Variants in ACTR2 observed in about 807,000 individuals in gnomAD.
The protein encoded by ACTR2 is actin related protein 2, also known as actin-related protein 2.
A neutral mutation model predicts 50.2 loss-of-function variants in ACTR2; 5 were observed. The ratio of observed to expected loss-of-function variants is 0.10; its 90% confidence interval spans 0.05 to 0.21. The LOEUF (loss-of-function observed/expected upper bound fraction) is 0.21. Among genes scored for constraint, ACTR2 ranks in the 10% least tolerant of loss-of-function variants. The pLI, the probability that ACTR2 is intolerant of heterozygous loss-of-function variation, is 1.00. For missense variants in ACTR2, 180 were observed against 480.6 expected (o/e 0.37, Z 5.85); for synonymous variants, 140 against 162.9 (o/e 0.86, Z 1.07).
Position 65,262,394 on chromosome 2 carries a change from AT to A in ACTR2, c.881+1019del, listed in dbSNP as rs959959939. Among the ~76,000 whole-genome samples, 762 of 137,434 alleles carry A rather than the reference AT, an allele frequency of 5.5e-3. 3 individuals are homozygous for A. Among genetic ancestry groups the A allele is most frequent in the African/African-American group, 0.011 (426 of 37,166 alleles). 90.2% of individuals were successfully genotyped at this position (137,434 alleles called of 152,430 possible). On this transcript the variant is annotated intron_variant, in intron 7 of 8. Transcript: ENST00000260641. Reference sequence around the variant, plus strand: ...ACAGGCATGTACCACCATGCCCAGAATTTTTTTTTTTTTTTTTGTATTTTTT... The same window carrying A: ...ACAGGCATGTACCACCATGCCCAGAATTTTTTTTTTTTTTTTGTATTTTTT...
intron 1 of ACTR2, among the ~76,000 whole-genome samples, chr2:65,234,425 CTTTT>C (rs903651119): frequency 6.6e-6 from 1 of 151,070 alleles, no homozygotes; most frequent in Admixed American, 6.6e-5. Flanking sequence ...AATGAAAAGT[CTTTT>C]TTTTTGTTAG....
chr2:65,228,020 A>G lies in ACTR2; in HGVS notation c.48+63A>G, dbSNP rs115799470. On this transcript the variant is annotated intron_variant, in intron 1 of 8. Transcript: ENST00000260641. ...GCCGGCGGGGACGAGCAGCTGGCGC[A>G]CGGGCCCTCGGCCCCCAGGGCTGCA... 1.9e-3 allele frequency: 2,724 copies of G among 1,443,294 alleles called. 59 individuals carry two copies. The African/African-American group carries it at 0.038, about 20-fold the overall frequency. 89.4% of individuals were successfully genotyped at this position (1,443,294 alleles called of 1,614,324 possible). A position where few individuals can be genotyped will look rare whatever the true frequency, so the allele number is the denominator to read the frequency against.
intron 4 of ACTR2, among the ~76,000 whole-genome samples, chr2:65,252,241 T>G (rs1672065844): frequency 6.6e-6 from 1 of 152,152 alleles, no homozygotes; most frequent in African/African-American, 2.4e-5. Flanking sequence ...TTTTTTTTCT[T>G]TTTTGCAATG....
intron 3 of ACTR2, among the ~76,000 whole-genome samples, chr2:65,250,384 T>G (rs986305221): frequency 3.6e-4 from 50 of 138,280 alleles, no homozygotes; most frequent in African/African-American, 1.3e-3. Flanking sequence ...AAAAAAAAGA[T>G]ATTTCCCTGG....
chr2:65,269,436 T>C lies in ACTR2; in HGVS notation c.*702T>C, dbSNP rs533148722. 131 of 152,320 alleles carry C rather than the reference T, an allele frequency of 8.6e-4. No individual in the cohort carries two copies. Among genetic ancestry groups the C allele is most frequent in the African/African-American group, 3.0e-3 (125 of 41,566 alleles). The allele number at this position is 152,320 out of a possible 1,614,324, so 9.4% of individuals were successfully genotyped here. A position where few individuals can be genotyped will look rare whatever the true frequency, so the allele number is the denominator to read the frequency against. On this transcript the variant is annotated 3_prime_UTR_variant, in exon 9 of 9. Transcript: ENST00000260641. ...GGTTTTCTTCTACTTGTGCTCTGCC[T>C]GGAGCTGTTTCCATATGATATAAAA... is the stretch of plus-strand genomic sequence containing the variant.
chr2:65,237,713 C>T (rs188050365), intron 1 of ACTR2, among the ~76,000 whole-genome samples: 4 of 152,004 alleles, frequency 2.6e-5, no homozygotes, highest in East Asian at 1.9e-4. Flanking sequence ...TTACGCTAGG[C>T]GTGGTGGCTC....
chr2:65,254,606 G>T (rs1672113794), intron 5 of ACTR2, among the ~76,000 whole-genome samples: 1 of 152,102 alleles, frequency 6.6e-6, no homozygotes. Flanking sequence ...CTGTCCTCTG[G>T]GGGATATTAG....
At position 65,261,329 on chromosome 2, in the gene ACTR2, T is replaced by G; in HGVS notation, c.818T>G (p.Val273Gly). The G allele has an allele frequency of 1.2e-6, 2 of 1,614,070 alleles. No homozygotes were observed. The highest frequency in any genetic ancestry group is 1.7e-6 in the Non-Finnish European group (2 of 1,179,998). The change falls in exon 7 of 9, where the codon GTT becomes GGT. Residue 273 changes from valine (V) to glycine (G), a missense_variant. Transcript: ENST00000260641. Reference protein sequence around the residue: ...EALFQPHLINVEGVGVAELLF... With the variant: ...EALFQPHLINGEGVGVAELLF... ...TTATTTCAGCCTCACTTGATCAATG[T>G]TGAAGGAGTTGGTGTTGCTGAATTG...
chr2:65,253,177 C>T (rs58293037), intron 4 of ACTR2, among the ~76,000 whole-genome samples: 1,671 of 152,194 alleles, frequency 0.011, 38 homozygotes, highest in African/African-American at 0.038. Context: ...TGGTGGCTCA[C>T]GCCTGTAACC....
chr2:65,233,996 A>C lies in ACTR2; in HGVS notation c.49-5856A>C, dbSNP rs187538867. The stretch of plus-strand genomic sequence containing the variant: ...TGGCTCAAGGCTCAACGTAGCCTCA[A>C]CCTCCCTGGGCTCAGGTGATCCTCC... On this transcript the variant is annotated intron_variant, in intron 1 of 8. Coordinates refer to ENST00000260641, the MANE Select transcript of ACTR2 (RefSeq NM_005722.4). 4.0e-5 allele frequency among the ~76,000 whole-genome samples: 6 copies of C among 151,256 alleles called. No individual in the cohort carries two copies. In the East Asian group the frequency reaches 1.2e-3, roughly 29 times the overall value.
intron 3 of ACTR2, among the ~76,000 whole-genome samples, chr2:65,250,371 GAAA>G (rs997970127): frequency 7.6e-6 from 1 of 132,416 alleles, no homozygotes; most frequent in Non-Finnish European, 1.6e-5. Flanking sequence ...CTCAAAAAAA[GAAA>G]AAAAAAAGAT....
At chr2:65,250,069 A>C (rs1031799764) in intron 3 of ACTR2, among the ~76,000 whole-genome samples, 1 of 152,168 alleles carries the variant, frequency 6.6e-6, no homozygotes, top group Non-Finnish European at 1.5e-5. Flanking sequence ...TCTTCGAATT[A>C]AAAGATATTT....
intron 8 of ACTR2, among the ~76,000 whole-genome samples, chr2:65,268,027 C>T (rs147469767): frequency 0.012 from 1,867 of 151,666 alleles, 36 homozygotes; most frequent in African/African-American, 0.043. Flanking sequence ...TTAGTAGAGA[C>T]GGGGTTTCAC....
At position 65,261,288 on chromosome 2, in the gene ACTR2, T is replaced by A. The variant is rs1672263573; in HGVS notation, c.777T>A (p.Phe259Leu). The A allele has an allele frequency of 6.2e-7, 1 of 1,613,982 alleles. No homozygotes were observed. Among genetic ancestry groups the A allele is most frequent in the Non-Finnish European group, 8.5e-7 (1 of 1,180,016 alleles). ...TCATCAAAGTTGGGGGAGAGAGATT[T>A]GAAGCACCAGAAGCTTTATTTCAGC... ...GRIIKVGGER[F>L]EAPEALFQPH... Residue 259 changes from phenylalanine (F) to leucine (L), a missense_variant, in exon 7 of 9, where the codon TTT becomes TTA. By Grantham distance (22) the Phe-to-Leu change is conservative. Coordinates refer to ENST00000260641, the MANE Select transcript of ACTR2 (RefSeq NM_005722.4).
rs375903788 is a variant in ACTR2, at chr2:65,265,027, C to G, written c.882-16C>G. The G allele has an allele frequency of 6.8e-6, 11 of 1,613,872 alleles. No individual in the cohort carries two copies. The highest frequency in any genetic ancestry group is 1.6e-4 in the Middle Eastern group (1 of 6,078). ...TAACCTAAAACTCCAAATGAATAAC[C>G]ATTGTGCCTTTCTAGATCTGAATTC... On this transcript the variant is annotated splice_polypyrimidine_tract_variant and intron_variant, in intron 7 of 8. Transcript: ENST00000260641.
chr2:65,250,051 A>G (rs952459133), intron 3 of ACTR2, among the ~76,000 whole-genome samples: 1 of 152,094 alleles, frequency 6.6e-6, no homozygotes, highest in Non-Finnish European at 1.5e-5. Context: ...AGCAATTTCT[A>G]TATTTTGTCT....
intron 4 of ACTR2, 91 bp downstream of exon 4, chr2:65,251,190 T>C (rs1452786868): frequency 2.5e-6 from 2 of 813,808 alleles, no homozygotes; most frequent in Non-Finnish European, 3.9e-6. Flanking sequence ...CAATAAGTTA[T>C]AAGCCCCAGA....
chr2:65,251,609 C>T (rs1421994241), intron 4 of ACTR2, among the ~76,000 whole-genome samples: 1 of 152,186 alleles, frequency 6.6e-6, no homozygotes, highest in Admixed American at 6.5e-5. Flanking sequence ...AGTCCGCCCG[C>T]CTCAGCCTCC....
chr2:65,232,294 A>G (rs1022310300), intron 1 of ACTR2, among the ~76,000 whole-genome samples: 7 of 152,220 alleles, frequency 4.6e-5, no homozygotes, highest in African/African-American at 1.4e-4. Context: ...AGTGCGTGCT[A>G]TGTTGCTGGC....
Sources: allele counts gnomAD v4.1 joint callset (sites outside exome capture counted in the v4.1 genomes callset), GRCh38; gene constraint gnomAD v4.1.1; transcripts MANE v1.5; gene names NCBI Gene and HGNC (gene_info 2026-07-23, HGNC 2026-07-21).